ANXA4: variants seen among roughly 807,000 people sequenced by gnomAD.
ANXA4 encodes the protein annexin A4, also known as 35-beta calcimedin.
Under a neutral mutation model 49.8 loss-of-function variants are expected in ANXA4, and 39 were observed. The observed-to-expected ratio is 0.78, with a 90% CI of 0.61 to 1.02. ANXA4 has a LOEUF of 1.02. ANXA4 is among the 50% of genes least tolerant of loss of function. ANXA4 has a pLI of 0.00. For missense variants in ANXA4, 360 were observed against 410.1 expected, an observed-to-expected ratio of 0.88 and a Z score of 1.05; for synonymous variants, 134 against 152.5, an observed-to-expected ratio of 0.88 and a Z score of 0.89.
intron 1 of ANXA4, among the ~76,000 whole-genome samples, chr2:69,780,443 G>C (rs1473677013): frequency 6.6e-6 from 1 of 152,174 alleles, no homozygotes; most frequent in Non-Finnish European, 1.5e-5. Context: ...TGATCCACCT[G>C]CCTCAGCCTC....
At chr2:69,738,535 A>T (rs963941614), upstream of ANXA4, among the ~76,000 whole-genome samples, 24 of 149,738 alleles carry the variant, frequency 1.6e-4, no homozygotes, top group East Asian at 1.2e-3. Context: ...CCACTCAGGG[A>T]TGGAGCCTAA....
At chr2:69,805,401 C>T (rs1014479238) in intron 4 of ANXA4, among the ~76,000 whole-genome samples, 1 of 151,800 alleles carries the variant, frequency 6.6e-6, no homozygotes, top group Non-Finnish European at 1.5e-5. Context: ...GTCAGGAGTT[C>T]GAGACCAGCC....
intron 2 of ANXA4, among the ~76,000 whole-genome samples, chr2:69,710,593 C>G (rs924855218): frequency 1.3e-5 from 2 of 152,036 alleles, no homozygotes; most frequent in African/African-American, 4.8e-5. Flanking sequence ...ATATAAATAA[C>G]TCTTACAAAT....
chr2:69,649,594 A>C (rs1280987298), intron 1 of ANXA4, among the ~76,000 whole-genome samples: 1 of 69,300 alleles, frequency 1.4e-5, no homozygotes, highest in African/African-American at 5.6e-5. Context: ...TGCTTCTTTG[A>C]TTTTCTTTCT....
At chr2:69,793,862 G>GA (rs1553359662) in intron 3 of ANXA4, among the ~76,000 whole-genome samples, 2 of 88,858 alleles carry the variant, frequency 2.3e-5, no homozygotes, top group Admixed American at 1.2e-4. Flanking sequence ...AGTCAACTGA[G>GA]AAAAAAAAGT....
intron 3 of ANXA4, among the ~76,000 whole-genome samples, chr2:69,794,416 T>C (rs1558506284): frequency 1.3e-5 from 2 of 152,222 alleles, no homozygotes; most frequent in Non-Finnish European, 2.9e-5. Flanking sequence ...AAGCCTTAGT[T>C]AAAACTTCCA....
In ANXA4 at chr2:69,818,829, A is replaced by T. The variant is rs560695293; in HGVS notation, c.724+135A>T. On this transcript the variant is annotated intron_variant, in intron 10 of 12. Coordinates refer to ENST00000394295, the MANE Select transcript of ANXA4 (RefSeq NM_001153.5). The stretch of plus-strand genomic sequence containing the variant: ...ATGAATCACTCATGTTACATTCCAG[A>T]TTTTTAAACAAGAAATATTATATAC... The T allele has an allele frequency of 3.2e-5, 19 of 592,390 alleles. No homozygotes were observed. The Admixed American group carries it at 5.7e-4, about 18-fold the overall frequency. The allele number at this position is 592,390 out of a possible 1,614,324, so 36.7% of individuals were successfully genotyped here. A position where few individuals can be genotyped will look rare whatever the true frequency, so the allele number is the denominator to read the frequency against.
intron 2 of ANXA4, among the ~76,000 whole-genome samples, chr2:69,695,872 A>T (rs550799559): frequency 3.2e-4 from 49 of 152,232 alleles, no homozygotes; most frequent in South Asian, 8.3e-4. Flanking sequence ...ATTACGTCTT[A>T]AAAAAGTATA....
At chr2:69,736,462 A>T (rs551706454) in intron 3 of ANXA4, among the ~76,000 whole-genome samples, 1 of 152,356 alleles carries the variant, frequency 6.6e-6, no homozygotes, top group Admixed American at 6.5e-5. Flanking sequence ...ACTGGCACAT[A>T]GTAAGTGCAC....
intron 2 of ANXA4, among the ~76,000 whole-genome samples, chr2:69,678,109 G>A (rs941951501): frequency 4.6e-5 from 7 of 152,038 alleles, no homozygotes; most frequent in Non-Finnish European, 7.4e-5. Context: ...GCTTTATTTC[G>A]GCGGTCTGGA....
intron 2 of ANXA4, among the ~76,000 whole-genome samples, chr2:69,704,473 T>A (rs1678427608): frequency 6.6e-6 from 1 of 152,226 alleles, no homozygotes. Flanking sequence ...CAACTCGGTT[T>A]ATTTCTGCAG....
chr2:69,802,921 G>A (rs544092958), intron 3 of ANXA4, among the ~76,000 whole-genome samples: 202 of 152,104 alleles, frequency 1.3e-3, no homozygotes, highest in African/African-American at 4.6e-3. Context: ...ACACGGCTGG[G>A]CATGATGGCT....
At chr2:69,823,359 G>A (rs1009451602) in intron 12 of ANXA4, among the ~76,000 whole-genome samples, 1 of 150,730 alleles carries the variant, frequency 6.6e-6, no homozygotes, top group Non-Finnish European at 1.5e-5. Context: ...CAGAATAGAA[G>A]CATAAAATAT....
upstream of ANXA4, among the ~76,000 whole-genome samples, chr2:69,740,680 CTTTTTTT>C (rs3077548): frequency 1.3e-5 from 1 of 75,780 alleles, no homozygotes; most frequent in Admixed American, 1.7e-4. Flanking sequence ...CTTTCTTCCT[CTTTTTTT>C]TTTTTTTTTT....
chr2:69,651,252 T>G (rs778230316), intron 1 of ANXA4, among the ~76,000 whole-genome samples: 1 of 151,912 alleles, frequency 6.6e-6, no homozygotes, highest in Non-Finnish European at 1.5e-5. Flanking sequence ...GTGCCTAGAG[T>G]CCTACCCACT....
At chr2:69,706,477 T>A (rs1678502721) in intron 2 of ANXA4, among the ~76,000 whole-genome samples, 1 of 151,720 alleles carries the variant, frequency 6.6e-6, no homozygotes, top group African/African-American at 2.4e-5. Context: ...ATTTTTGTAT[T>A]TTTAGTAGAG....
chr2:69,684,779 C>T (rs1677726819), intron 2 of ANXA4, among the ~76,000 whole-genome samples: 1 of 151,812 alleles, frequency 6.6e-6, no homozygotes, highest in Non-Finnish European at 1.5e-5. Context: ...AAACAGAGAT[C>T]TTCAATTCTC....
intron 3 of ANXA4, among the ~76,000 whole-genome samples, chr2:69,791,625 C>T (rs1573264184): frequency 6.6e-6 from 1 of 152,198 alleles, no homozygotes; most frequent in Non-Finnish European, 1.5e-5. Flanking sequence ...AAGAATATTG[C>T]TTTAGTTTTC....
intron 8 of ANXA4, chr2:69,815,788 T>G: frequency 3.4e-6 from 1 of 292,966 alleles, no homozygotes. Context: ...AACAGCCACA[T>G]GTGGTTAGTG....
Sources: gnomAD v4.1 joint callset for allele counts (sites outside exome capture counted in the v4.1 genomes callset) on GRCh38, gnomAD v4.1.1 for gene constraint, MANE v1.5 for transcripts, NCBI Gene and HGNC (gene_info 2026-07-23, HGNC 2026-07-21) for gene names.